The following TMEM178A variants were observed in gnomAD, a reference collection of about 807,000 sequenced individuals.
TMEM178A encodes transmembrane protein 178A.
Under a neutral mutation model 29.1 loss-of-function variants are expected in TMEM178A, and 12 were observed. The observed-to-expected ratio is 0.41, with a 90% CI of 0.26 to 0.67. The LOEUF (loss-of-function observed/expected upper bound fraction) is 0.67, where lower values mean the gene tolerates loss of function less well. Among genes scored for constraint, TMEM178A ranks in the 30% least tolerant of loss-of-function variants. The pLI, the probability that TMEM178A is intolerant of heterozygous loss-of-function variation, is 0.29. For missense variants in TMEM178A, 366 were observed against 419.1 expected (o/e 0.87, Z 1.11); for synonymous variants, 210 against 187.2 (o/e 1.12, Z -0.99).
intron 1 of TMEM178A, among the ~76,000 whole-genome samples, chr2:39,702,351 A>G (rs1254923057): frequency 6.6e-6 from 1 of 152,118 alleles, no homozygotes; most frequent in Non-Finnish European, 1.5e-5. Context: ...AAAACCAATA[A>G]ACCTTCCAGT....
At chr2:39,677,385 C>A (rs889586746) in intron 1 of TMEM178A, among the ~76,000 whole-genome samples, 1 of 152,156 alleles carries the variant, frequency 6.6e-6, no homozygotes, top group Non-Finnish European at 1.5e-5. Flanking sequence ...ATTACAACTT[C>A]CCAGTGCATC....
chr2:39,711,962 G>A (rs1284627234), intron 3 of TMEM178A, among the ~76,000 whole-genome samples: 1 of 151,736 alleles, frequency 6.6e-6, no homozygotes, highest in East Asian at 1.9e-4. Context: ...TGTCAGACCA[G>A]GCCAGGATTT....
chr2:39,731,659 G>C, the TMEM178A span, among the ~76,000 whole-genome samples: 1 of 152,158 alleles, frequency 6.6e-6, no homozygotes, highest in Admixed American at 6.5e-5. Context: ...AAACCATCAC[G>C]TTGGGAATCA....
Position 39,702,674 on chromosome 2 carries a change from TAA to T in TMEM178A, c.401-1395_401-1394del, listed in dbSNP as rs531449900. Among the ~76,000 whole-genome samples, 125 of 124,562 alleles carry T rather than the reference TAA, an allele frequency of 1.0e-3. 1 individual carries two copies. Among genetic ancestry groups the T allele is most frequent in the African/African-American group, 3.3e-3 (114 of 34,484 alleles). 81.7% of individuals were successfully genotyped at this position (124,562 alleles called of 152,430 possible). A position where few individuals can be genotyped will look rare whatever the true frequency, so the allele number is the denominator to read the frequency against. On this transcript the variant is annotated intron_variant, in intron 1 of 3. Transcript: ENST00000281961. ...TGGGGCTCATGTTGAAAAAACAAAT[TAA>T]AAAAAAAAAAAGAACTTCGAATTTT...
downstream of TMEM178A, among the ~76,000 whole-genome samples, chr2:39,718,222 C>T (rs758543777): frequency 2.2e-4 from 33 of 151,940 alleles, no homozygotes; most frequent in Middle Eastern, 3.4e-3. Flanking sequence ...TCTCATTTTC[C>T]CCTCTCTCTT....
chr2:39,693,080 C>G (rs1671390935), intron 1 of TMEM178A, among the ~76,000 whole-genome samples: 1 of 152,160 alleles, frequency 6.6e-6, no homozygotes, highest in Non-Finnish European at 1.5e-5. Context: ...TGCCACTGCA[C>G]TTCAGCCTGG....
rs1672607399 is a variant in TMEM178A at position 39,717,724 on chromosome 2, G to C, written c.*473G>C. 1 of 151,694 alleles carries C rather than the reference G, an allele frequency of 6.6e-6. No individual in the cohort carries two copies. The highest frequency in any genetic ancestry group is 2.4e-5 in the African/African-American group (1 of 40,970). The allele number at this position is 151,694 out of a possible 1,614,324, so 9.4% of individuals were successfully genotyped here. On this transcript the variant is annotated 3_prime_UTR_variant, in exon 4 of 4. Coordinates refer to ENST00000281961, the MANE Select transcript of TMEM178A (RefSeq NM_152390.3). The stretch of plus-strand genomic sequence containing the variant: ...CTTATTGTGTCAGCACCAAATATTT[G>C]TGCATTATTTGTGGACGTTCCTTGT...
chr2:39,702,994 G>T (rs2148100238), intron 1 of TMEM178A, among the ~76,000 whole-genome samples: 1 of 152,302 alleles, frequency 6.6e-6, no homozygotes, highest in Non-Finnish European at 1.5e-5. Context: ...ACATTCACAG[G>T]AGGGACTGGG....
intron 1 of TMEM178A, among the ~76,000 whole-genome samples, chr2:39,676,562 G>T (rs928676710): frequency 1.3e-5 from 2 of 152,198 alleles, no homozygotes; most frequent in Non-Finnish European, 2.9e-5. Flanking sequence ...CATTCTTAAA[G>T]CAATCCCGGG....
intron 3 of TMEM178A, among the ~76,000 whole-genome samples, chr2:39,713,964 G>T (rs1672426147): frequency 6.6e-6 from 1 of 152,116 alleles, no homozygotes; most frequent in Non-Finnish European, 1.5e-5. Flanking sequence ...TGGAAAAGTT[G>T]GAAACAATGC....
chr2:39,684,857 T>C (rs1039549157), intron 1 of TMEM178A, among the ~76,000 whole-genome samples: 6 of 152,110 alleles, frequency 3.9e-5, no homozygotes, highest in African/African-American at 1.4e-4. Context: ...TGTTCCTCTG[T>C]CTGGAACAGC....
At chr2:39,671,468 G>A (rs551664126) in intron 1 of TMEM178A, among the ~76,000 whole-genome samples, 6 of 152,090 alleles carry the variant, frequency 3.9e-5, no homozygotes, top group African/African-American at 1.4e-4. Context: ...GATTGTTCTC[G>A]GACCTTCTCT....
chr2:39,714,020 C>T (rs1672427719), intron 3 of TMEM178A, among the ~76,000 whole-genome samples: 1 of 152,148 alleles, frequency 6.6e-6, no homozygotes, highest in Admixed American at 6.5e-5. Context: ...CACATTCCTG[C>T]CCATCTCACA....
intron 3 of TMEM178A, among the ~76,000 whole-genome samples, chr2:39,716,780 C>T (rs1672558760): frequency 6.6e-6 from 1 of 151,960 alleles, no homozygotes; most frequent in Non-Finnish European, 1.5e-5. Context: ...TCAGAATTTT[C>T]CTGTCTCTTT....
intron 1 of TMEM178A, among the ~76,000 whole-genome samples, chr2:39,694,091 C>T (rs1478972919): frequency 6.6e-6 from 1 of 150,826 alleles, no homozygotes; most frequent in Non-Finnish European, 1.5e-5. Context: ...GTTCAAGGAA[C>T]TCACCTGAGT....
chr2:39,719,917 T>C (rs1164237542), downstream of TMEM178A, among the ~76,000 whole-genome samples: 4 of 152,190 alleles, frequency 2.6e-5, no homozygotes, highest in Non-Finnish European at 4.4e-5. Context: ...AAATATTTAC[T>C]GAATGGCTAT....
chr2:39,714,662 GAA>G (rs1211022184), intron 3 of TMEM178A, among the ~76,000 whole-genome samples: 1 of 152,194 alleles, frequency 6.6e-6, no homozygotes, highest in Non-Finnish European at 1.5e-5. Flanking sequence ...AGAGCAGAGA[GAA>G]ATCATTCTGG....
chr2:39,688,543 T>C (rs1173501769), intron 1 of TMEM178A, among the ~76,000 whole-genome samples: 1 of 152,248 alleles, frequency 6.6e-6, no homozygotes, highest in African/African-American at 2.4e-5. Flanking sequence ...ATCTAAATGA[T>C]AACACGTCTA....
intron 1 of TMEM178A, among the ~76,000 whole-genome samples, chr2:39,670,695 C>A (rs1444593893): frequency 6.6e-6 from 1 of 152,176 alleles, no homozygotes; most frequent in African/African-American, 2.4e-5. Context: ...TCTTTCAGTT[C>A]TTGAAAACAC....
Sources: allele counts gnomAD v4.1 joint callset (sites outside exome capture counted in the v4.1 genomes callset), GRCh38; gene constraint gnomAD v4.1.1; transcripts MANE v1.5; gene names NCBI Gene and HGNC (gene_info 2026-07-23, HGNC 2026-07-21).